Variants in ZNF407 observed in about 807,000 individuals in gnomAD.
The protein encoded by ZNF407 is zinc finger protein 407.
A neutral mutation model predicts 131.2 loss-of-function variants in ZNF407; 17 were observed. The ratio of observed to expected loss-of-function variants is 0.13; its 90% CI spans 0.09 to 0.19. ZNF407 has a LOEUF of 0.19. Ranked by LOEUF, ZNF407 falls within the 10% of genes least tolerant of loss-of-function variation. The probability of loss-of-function intolerance (pLI) is 1.00; values close to 1 mark genes in which losing one functional copy is unlikely to be tolerated. For missense variants in ZNF407, 2,681 were observed against 2,830.6 expected (o/e 0.95, Z 1.20); for synonymous variants, 1,156 against 1,062.0 (o/e 1.09, Z -1.72).
At position 75,054,316 on chromosome 18, in the gene ZNF407, C is replaced by T. The variant is rs753331465; in HGVS notation, c.5429-8834C>T. On this transcript the variant is annotated intron_variant, in intron 8 of 8. Coordinates refer to ENST00000299687, the MANE Select transcript of ZNF407 (RefSeq NM_017757.3). ...ATTTGATTTTAATGATGCCTCTGTG[C>T]GGTTACTGAGAAGCAGTTTGCTTTC... 7.5e-4 allele frequency among the ~76,000 whole-genome samples: 114 copies of T among 152,282 alleles called. 1 individual carries two copies. Among genetic ancestry groups the T allele is most frequent in the Non-Finnish European group, 1.5e-3 (104 of 68,026 alleles).
chr18:74,819,269 T>C (rs373888485), intron 4 of ZNF407, among the ~76,000 whole-genome samples: 3 of 152,218 alleles, frequency 2.0e-5, no homozygotes, highest in Non-Finnish European at 4.4e-5. Context: ...ACAGTTATTG[T>C]AAGATGCTTT....
At chr18:74,899,719 A>G (rs1178772402) in intron 7 of ZNF407, among the ~76,000 whole-genome samples, 1 of 152,194 alleles carries the variant, frequency 6.6e-6, no homozygotes, top group Non-Finnish European at 1.5e-5. Context: ...TCCAGGAAAG[A>G]GAGGTGTCAT....
intron 8 of ZNF407, among the ~76,000 whole-genome samples, chr18:74,941,304 G>A (rs1190188161): frequency 1.3e-5 from 2 of 152,172 alleles, no homozygotes; most frequent in Non-Finnish European, 2.9e-5. Flanking sequence ...GGTGTAGCAT[G>A]TGCATGTCAC....
At chr18:74,926,380 A>G (rs957087367) in intron 8 of ZNF407, among the ~76,000 whole-genome samples, 2 of 152,208 alleles carry the variant, frequency 1.3e-5, no homozygotes, top group African/African-American at 4.8e-5. Flanking sequence ...GGAAAATTGT[A>G]TTTGTGGATA....
Position 74,989,485 on chromosome 18 carries a change from C to T in ZNF407, c.5428+68793C>T, listed in dbSNP as rs78019424. Among the ~76,000 whole-genome samples the T allele has an allele frequency of 2.2e-3, 335 of 152,346 alleles. 2 individuals are homozygous for T. The highest frequency in any genetic ancestry group is 7.3e-3 in the African/African-American group (304 of 41,582). On this transcript the variant is annotated intron_variant, in intron 8 of 8. Transcript: ENST00000299687. ...TAGAGCATTTAAGCGAGAAAGGGCA[C>T]ATGCCAAGAATTATCCTACTTCCTT...
intron 3 of ZNF407, among the ~76,000 whole-genome samples, chr18:74,644,370 C>T (rs1048764441): frequency 6.6e-6 from 1 of 151,440 alleles, no homozygotes; most frequent in African/African-American, 2.4e-5. Context: ...AGAAACTATA[C>T]CTATTTTTTA....
At chr18:74,762,344 A>G (rs1969114335) in intron 3 of ZNF407, among the ~76,000 whole-genome samples, 1 of 152,134 alleles carries the variant, frequency 6.6e-6, no homozygotes, top group African/African-American at 2.4e-5. Context: ...TGAAAAATGA[A>G]TATTTTCTAA....
intron 4 of ZNF407, among the ~76,000 whole-genome samples, chr18:74,845,886 A>T (rs531015245): frequency 5.9e-5 from 9 of 152,242 alleles, no homozygotes; most frequent in African/African-American, 1.9e-4. Flanking sequence ...CCAACTGATT[A>T]TGTAAGTTAG....
intron 7 of ZNF407, among the ~76,000 whole-genome samples, chr18:74,912,989 A>G (rs1971695104): frequency 6.6e-6 from 1 of 152,228 alleles, no homozygotes; most frequent in Non-Finnish European, 1.5e-5. Context: ...TACACCTTAA[A>G]AATTAAAACT....
At chr18:74,744,961 C>G (rs1202341020) in intron 3 of ZNF407, among the ~76,000 whole-genome samples, 1 of 151,890 alleles carries the variant, frequency 6.6e-6, no homozygotes, top group Non-Finnish European at 1.5e-5. Context: ...CCATGTCCAT[C>G]CATGGTAAAT....
At chr18:74,841,074 C>CGGTGTGCTGGGCTCTTCGCAA (rs1236658408) in intron 4 of ZNF407, among the ~76,000 whole-genome samples, 1 of 152,238 alleles carries the variant, frequency 6.6e-6, no homozygotes, top group Non-Finnish European at 1.5e-5. Context: ...TGCACTGCTC[C>CGGTGTGCTGGGCTCTTCGCAA]GGTGTGCTGG....
At chr18:74,639,686 T>G (rs1461131509) in intron 2 of ZNF407, among the ~76,000 whole-genome samples, 3 of 152,316 alleles carry the variant, frequency 2.0e-5, no homozygotes, top group African/African-American at 7.2e-5. Flanking sequence ...GAGATCTGGC[T>G]TCATTGTCAT....
At chr18:74,890,483 A>G (rs1194840660) in intron 7 of ZNF407, among the ~76,000 whole-genome samples, 2 of 152,346 alleles carry the variant, frequency 1.3e-5, no homozygotes, top group South Asian at 2.1e-4. Flanking sequence ...TTTAAAAAAC[A>G]TAACATTCTT....
chr18:74,629,653 G>A (rs1333936992), intron 1 of ZNF407, among the ~76,000 whole-genome samples: 4 of 152,118 alleles, frequency 2.6e-5, no homozygotes, highest in African/African-American at 9.7e-5. Context: ...CTGAGTCAAA[G>A]CAATAGGCTC....
At chr18:74,878,985 C>T (rs1421487773) in intron 5 of ZNF407, among the ~76,000 whole-genome samples, 1 of 150,266 alleles carries the variant, frequency 6.7e-6, no homozygotes, top group African/African-American at 2.4e-5. Flanking sequence ...TGGAGACTAA[C>T]ATCCTAAATA....
chr18:74,607,176 TATCGGAGTC>T (rs1479170474), intron 1 of ZNF407, among the ~76,000 whole-genome samples: 1 of 152,152 alleles, frequency 6.6e-6, no homozygotes, highest in Admixed American at 6.5e-5. Context: ...TCCTAATGTG[TATCGGAGTC>T]ACCCAGAGGG....
chr18:75,031,417 C>CT (rs34614367), intron 8 of ZNF407, among the ~76,000 whole-genome samples: 2 of 151,862 alleles, frequency 1.3e-5, no homozygotes, highest in Non-Finnish European at 2.9e-5. Context: ...GAAAATGGGT[C>CT]TTTTTTTTAT....
At chr18:75,035,790 G>T (rs944471808) in intron 8 of ZNF407, among the ~76,000 whole-genome samples, 2 of 152,232 alleles carry the variant, frequency 1.3e-5, no homozygotes, top group East Asian at 1.9e-4. Context: ...GCAAATGCCA[G>T]TTCTTGACTT....
intron 8 of ZNF407, among the ~76,000 whole-genome samples, chr18:74,963,103 T>G (rs1181254415): frequency 6.6e-6 from 1 of 152,048 alleles, no homozygotes; most frequent in East Asian, 1.9e-4. Context: ...CCAATCGCAC[T>G]TTCTTTAGCT....
Sources: allele counts gnomAD v4.1 joint callset (sites outside exome capture counted in the v4.1 genomes callset), GRCh38; gene constraint gnomAD v4.1.1; transcripts MANE v1.5; gene names NCBI Gene and HGNC (gene_info 2026-07-23, HGNC 2026-07-21).